GRAMD2A: variants seen among roughly 807,000 people sequenced by gnomAD.
GRAMD2A encodes the protein GRAM domain containing 2A, also known as GRAM domain-containing protein 2A.
A neutral mutation model predicts 51.1 loss-of-function variants in GRAMD2A; 37 were observed. The ratio of observed to expected loss-of-function variants is 0.72; its 90% CI spans 0.56 to 0.95. The LOEUF is 0.95. GRAMD2A is among the 40% of genes least tolerant of loss of function. The pLI is 0.00. For missense variants in GRAMD2A, 414 were observed against 426.9 expected, an observed-to-expected ratio of 0.97 and a Z score of 0.27; for synonymous variants, 136 against 157.1, an observed-to-expected ratio of 0.87 and a Z score of 1.01.
rs1423420494 is a variant in GRAMD2A at position 72,170,351 on chromosome 15, CT to C, written c.42-413del. The C allele has an allele frequency of 2.2e-6, 1 of 458,476 alleles. No individual in the cohort carries two copies. The highest frequency in any genetic ancestry group is 4.4e-6 in the Non-Finnish European group (1 of 228,568). The allele number at this position is 458,476 out of a possible 1,614,324, so 28.4% of individuals were successfully genotyped here. A position where few individuals can be genotyped will look rare whatever the true frequency, so the allele number is the denominator to read the frequency against. On this transcript the variant is annotated intron_variant, in intron 1 of 11. Transcript: ENST00000309731. This position sits in a 1 kb window ranked among gnomAD's most constrained non-coding sequence, Gnocchi z 4.5. ...TGTCCAAAGTACCCGCGCAGCATGACTGTAAACCATCAGGTTCCGGGAAAGT... is the reference window on the plus strand; with the variant it reads ...TGTCCAAAGTACCCGCGCAGCATGACGTAAACCATCAGGTTCCGGGAAAGT...
At chr15:72,169,739 C>T (rs945628715) in intron 2 of GRAMD2A, 108 bp downstream of exon 2, 4 of 883,710 alleles carry the variant, frequency 4.5e-6, no homozygotes, top group Non-Finnish European at 7.6e-6. Context: ...CACAGACCTG[C>T]AAAGGGGCCC....
chr15:72,170,234 G>A lies in GRAMD2A; in HGVS notation c.42-295C>T, dbSNP rs772116750. On this transcript the variant is annotated intron_variant, in intron 1 of 11. Coordinates refer to ENST00000309731, the MANE Select transcript of GRAMD2A (RefSeq NM_001012642.3). The surrounding 1 kb of genome is among the most constrained non-coding windows in gnomAD (Gnocchi z 4.5). ...CCTCATCTCCAGTGCCAGGCAGCTC[G>A]TAGGCCAGGCTGAGTGAGGCCTCTA... 3.1e-5 allele frequency: 17 copies of A among 542,838 alleles called. No homozygotes were observed. Among genetic ancestry groups the A allele is most frequent in the Admixed American group, 4.4e-5 (2 of 45,034 alleles). 33.6% of individuals were successfully genotyped at this position (542,838 alleles called of 1,614,324 possible).
rs2081498789 is a variant in GRAMD2A, at chr15:72,163,189, C to T, written c.956+77G>A. On this transcript the variant is annotated intron_variant, in intron 10 of 11. Coordinates refer to ENST00000309731, the MANE Select transcript of GRAMD2A (RefSeq NM_001012642.3). The stretch of plus-strand genomic sequence containing the variant: ...CCCCCTGGTTCTGAATAGTGAATTC[C>T]CCACACTCCAAGGCCCTTGTTCCAA... 4.7e-5 allele frequency: 46 copies of T among 984,970 alleles called. 2 individuals carry two copies. In the South Asian group the frequency reaches 6.3e-4, roughly 13 times the overall value. The allele number at this position is 984,970 out of a possible 1,614,324, so 61.0% of individuals were successfully genotyped here. A position where few individuals can be genotyped will look rare whatever the true frequency, so the allele number is the denominator to read the frequency against.
chr15:72,172,560 GT>G (rs2081621644), intron 1 of GRAMD2A, among the ~76,000 whole-genome samples: 1 of 151,856 alleles, frequency 6.6e-6, no homozygotes, highest in Non-Finnish European at 1.5e-5. Flanking sequence ...GGGATTACAG[GT>G]ACCTGCCATC....
At chr15:72,195,738 G>A (rs375974650) in intron 1 of GRAMD2A, among the ~76,000 whole-genome samples, 1 of 152,120 alleles carries the variant, frequency 6.6e-6, no homozygotes, top group Non-Finnish European at 1.5e-5. Context: ...TGACCAACAT[G>A]GAGAAACCCC....
chr15:72,179,997 G>C (rs1389357699), intron 1 of GRAMD2A, among the ~76,000 whole-genome samples: 1 of 152,172 alleles, frequency 6.6e-6, no homozygotes, highest in Non-Finnish European at 1.5e-5. Context: ...CCATGGGCTC[G>C]GAGGCACGAC....
In GRAMD2A at chr15:72,161,318, A is replaced by T. The variant is rs1391379778; in HGVS notation, c.*691T>A. 1.3e-5 allele frequency: 2 copies of T among 152,550 alleles called. No homozygotes were observed. The highest frequency in any genetic ancestry group is 3.8e-4 in the East Asian group (2 of 5,198). 9.4% of individuals were successfully genotyped at this position (152,550 alleles called of 1,614,324 possible). On this transcript the variant is annotated 3_prime_UTR_variant, in exon 12 of 12. Coordinates refer to ENST00000309731, the MANE Select transcript of GRAMD2A (RefSeq NM_001012642.3). ...TCTGTTCTTCACAGCCACTGCCACC[A>T]TCTCCGCCGTGGGCAGCATCTCCCC...
intron 1 of GRAMD2A, among the ~76,000 whole-genome samples, chr15:72,191,700 G>A (rs1011043571): frequency 2.0e-5 from 3 of 152,210 alleles, no homozygotes; most frequent in South Asian, 2.1e-4. Flanking sequence ...GAATCTGACC[G>A]AGACTGTAGG....
chr15:72,169,153 G>C lies in GRAMD2A; in HGVS notation c.135-157C>G, dbSNP rs1037043797. 1.2e-5 allele frequency: 8 copies of C among 681,118 alleles called. No homozygotes were observed. In the East Asian group the frequency reaches 1.9e-4, roughly 16 times the overall value. The allele number at this position is 681,118 out of a possible 1,614,324, so 42.2% of individuals were successfully genotyped here. On this transcript the variant is annotated intron_variant, in intron 2 of 11. Coordinates refer to ENST00000309731, the MANE Select transcript of GRAMD2A (RefSeq NM_001012642.3). ...GACACAGCAAAATGACAAGTACAGC[G>C]AGCACACAGCTAAACTATACAGCTC...
In GRAMD2A at chr15:72,160,763, G is replaced by A. The variant is rs1259373714; in HGVS notation, c.*1246C>T. The A allele has an allele frequency of 1.3e-5, 2 of 152,460 alleles. No individual in the cohort carries two copies. Among genetic ancestry groups the A allele is most frequent in the Admixed American group, 6.5e-5 (1 of 15,286 alleles). 9.4% of individuals were successfully genotyped at this position (152,460 alleles called of 1,614,324 possible). Reference sequence around the variant, plus strand: ...CAGAGTTGTGGGACACAGAGAAGAAGAGAAGGCCTTGATAGAGGAAGAGGA... The same window carrying A: ...CAGAGTTGTGGGACACAGAGAAGAAAAGAAGGCCTTGATAGAGGAAGAGGA... On this transcript the variant is annotated 3_prime_UTR_variant, in exon 12 of 12. Transcript: ENST00000309731.
Position 72,170,267 on chromosome 15 carries a change from C to T in GRAMD2A, c.42-328G>A. ...GGCTGAGTGAGGCCTCTAGCCCCAC[C>T]CTTGAGGAGGCACACTGAGAGGGAG... On this transcript the variant is annotated intron_variant, in intron 1 of 11. Coordinates refer to ENST00000309731, the MANE Select transcript of GRAMD2A (RefSeq NM_001012642.3). The surrounding 1 kb of genome is among the most constrained non-coding windows in gnomAD (Gnocchi z 4.5). 3 of 512,468 alleles carry T rather than the reference C, an allele frequency of 5.9e-6. No homozygotes were observed. The highest frequency in any genetic ancestry group is 1.1e-5 in the Non-Finnish European group (3 of 264,402). The allele number at this position is 512,468 out of a possible 1,614,324, so 31.7% of individuals were successfully genotyped here. A position where few individuals can be genotyped will look rare whatever the true frequency, so the allele number is the denominator to read the frequency against.
At chr15:72,174,309 A>G (rs2081636126) in intron 1 of GRAMD2A, among the ~76,000 whole-genome samples, 1 of 152,164 alleles carries the variant, frequency 6.6e-6, no homozygotes, top group African/African-American at 2.4e-5. Context: ...GAGGGCCAAG[A>G]AGGAGGCTTC....
chr15:72,162,123 C>T (rs1393754391), intron 11 of GRAMD2A, 111 bp from the exon 12 acceptor site: 6 of 1,407,140 alleles, frequency 4.3e-6, no homozygotes, highest in Non-Finnish European at 6.0e-6. Context: ...CAGGGTGGGA[C>T]TGGTGTACCC....
chr15:72,180,467 G>A (rs1049690524), intron 1 of GRAMD2A, among the ~76,000 whole-genome samples: 2 of 152,258 alleles, frequency 1.3e-5, no homozygotes, highest in South Asian at 4.1e-4. Flanking sequence ...GGCCTGCTAA[G>A]TGAGGGGGCC....
At chr15:72,171,066 C>T (rs1012360442) in intron 1 of GRAMD2A, among the ~76,000 whole-genome samples, 3 of 152,206 alleles carry the variant, frequency 2.0e-5, no homozygotes, top group Non-Finnish European at 4.4e-5. Context: ...AGGCTGTGTC[C>T]GGTCCTACAG....
chr15:72,184,340 GCCCGCGGC>G (rs2081719771), intron 1 of GRAMD2A, among the ~76,000 whole-genome samples: 2 of 152,256 alleles, frequency 1.3e-5, no homozygotes, highest in Admixed American at 1.3e-4. Flanking sequence ...CCAAAGCGGC[GCCCGCGGC>G]GGCACTGATC....
chr15:72,169,521 C>T (rs761918249), intron 2 of GRAMD2A: 4 of 553,148 alleles, frequency 7.2e-6, no homozygotes, highest in South Asian at 6.1e-5. Context: ...CACAGACTCA[C>T]CTGACCTGGC....
At chr15:72,162,154 T>G (rs939821895) in intron 11 of GRAMD2A, 119 bp downstream of exon 11, 5 of 1,357,600 alleles carry the variant, frequency 3.7e-6, no homozygotes, top group Non-Finnish European at 5.3e-6. Context: ...CCAACCTTGC[T>G]TAGGGTCAGA....
In GRAMD2A at chr15:72,161,943, T is replaced by G; in HGVS notation, c.*66A>C. On this transcript the variant is annotated 3_prime_UTR_variant, in exon 12 of 12. Coordinates refer to ENST00000309731, the MANE Select transcript of GRAMD2A (RefSeq NM_001012642.3). ...CAGCAGCATAAACCACAGGGATCAT[T>G]GGTGGAGACTTAGCACCCAGAACAT... is the stretch of plus-strand genomic sequence containing the variant. 6.4e-7 allele frequency: 1 copy of G among 1,562,116 alleles called. No homozygotes were observed.
Sources: allele counts gnomAD v4.1 joint callset (sites outside exome capture counted in the v4.1 genomes callset), GRCh38; gene constraint gnomAD v4.1.1; non-coding constraint Gnocchi (gnomAD v3.1); transcripts MANE v1.5; gene names NCBI Gene and HGNC (gene_info 2026-07-23, HGNC 2026-07-21).